The following TENT4A variants were observed in gnomAD, a reference collection of about 807,000 sequenced individuals.
TENT4A encodes the protein terminal nucleotidyltransferase 4A, also known as DNA polymerase kappa.
In TENT4A, 7 loss-of-function variants were observed where a neutral mutation model predicts 72.8. The ratio of observed to expected loss-of-function variants is 0.10; its 90% CI spans 0.05 to 0.18. The LOEUF is 0.18. TENT4A is among the 10% of genes least tolerant of loss of function. The probability of loss-of-function intolerance (pLI) is 1.00; values close to 1 mark genes in which losing one functional copy is unlikely to be tolerated. For missense variants in TENT4A, 831 were observed against 1,017.7 expected (o/e 0.82, Z 2.50); for synonymous variants, 456 against 434.3 (o/e 1.05, Z -0.62).
intron 9 of TENT4A, among the ~76,000 whole-genome samples, chr5:6,750,060 T>C (rs1249425981): frequency 6.6e-6 from 1 of 152,270 alleles, no homozygotes; most frequent in Non-Finnish European, 1.5e-5. Flanking sequence ...GGATGCTAAA[T>C]TTTCGTAAAA....
In TENT4A at chr5:6,754,677, G is replaced by T. The variant is rs1579506867; in HGVS notation, c.2185-74G>T. Reference sequence around the variant, plus strand: ...ATGTAACATCACGTCGGTGCTTAGTGTGGTCACTGCCCGAGGACGTGGGCA... The same window carrying T: ...ATGTAACATCACGTCGGTGCTTAGTTTGGTCACTGCCCGAGGACGTGGGCA... On this transcript the variant is annotated intron_variant, in intron 12 of 12. Transcript: ENST00000230859. The T allele has an allele frequency of 1.1e-5, 13 of 1,230,416 alleles. No individual in the cohort carries two copies. In the South Asian group the frequency reaches 1.7e-4, roughly 16 times the overall value. 76.2% of individuals were successfully genotyped at this position (1,230,416 alleles called of 1,614,324 possible).
chr5:6,714,459 C>T lies in TENT4A; in HGVS notation c.476C>T (p.Ala159Val). ...FFNFADGAPS[A>V]PGTANGHPGP... ...AACTTCGCCGACGGCGCGCCCAGCG[C>T]CCCTGGCACAGCCAACGGGCACCCC... The change falls in exon 1 of 13, where the codon GCC becomes GTC. Residue 159 changes from alanine to valine, a missense_variant. Transcript: ENST00000230859. 1 of 1,179,150 alleles carries T rather than the reference C, an allele frequency of 8.5e-7. No homozygotes were observed. Among genetic ancestry groups the T allele is most frequent in the Non-Finnish European group, 1.0e-6 (1 of 954,222 alleles). 73.0% of individuals were successfully genotyped at this position (1,179,150 alleles called of 1,614,324 possible).
intron 11 of TENT4A, 61 bp downstream of exon 11, chr5:6,751,258 A>ATATGCACTAGAGGAGATTGATGGTCCT: frequency 6.5e-7 from 1 of 1,533,656 alleles, no homozygotes. Context: ...CCGAGCTGTG[A>ATATGCACTAGAGGAGATTGATGGTCCT]TATGCACTAG....
intron 1 of TENT4A, among the ~76,000 whole-genome samples, chr5:6,719,521 C>T (rs778167180): frequency 1.4e-4 from 21 of 152,174 alleles, no homozygotes; most frequent in Admixed American, 2.6e-4. Flanking sequence ...GAGGCCCTTT[C>T]TAGGAGGTGT....
chr5:6,745,041 G>A (rs1742012562), intron 6 of TENT4A, among the ~76,000 whole-genome samples: 1 of 152,186 alleles, frequency 6.6e-6, no homozygotes, highest in South Asian at 2.1e-4. Flanking sequence ...CCACATCCCT[G>A]TGCCTTGTCC....
At position 6,750,418 on chromosome 5, in the gene TENT4A, G is replaced by C. The variant is rs763229052; in HGVS notation, c.1775G>C (p.Arg592Pro). The change falls in exon 10 of 13, where the codon CGC becomes CCC. Residue 592 changes from arginine to proline, a missense_variant. Coordinates refer to ENST00000230859, the MANE Select transcript of TENT4A (RefSeq NM_006999.6). ...NREPESPYGQ[R>P]LTLSLSSPQL... ...GAGCCCGAGTCTCCCTATGGCCAGC[G>C]CTTGACTTTGTCGCTGTCCAGCCCC... 1.2e-6 allele frequency: 2 copies of C among 1,613,402 alleles called. No homozygotes were observed. Among genetic ancestry groups the C allele is most frequent in the African/African-American group, 2.7e-5 (2 of 74,958 alleles).
intron 1 of TENT4A, among the ~76,000 whole-genome samples, chr5:6,730,208 C>T (rs1283478982): frequency 6.6e-6 from 1 of 152,036 alleles, no homozygotes; most frequent in Non-Finnish European, 1.5e-5. Context: ...CACAAAGGCA[C>T]CTCTGCTCAC....
chr5:6,753,157 TG>T, intron 12 of TENT4A, 120 bp downstream of exon 12: 1 of 1,035,540 alleles, frequency 9.7e-7, no homozygotes, highest in Non-Finnish European at 1.4e-6. Flanking sequence ...GAATTTGCTT[TG>T]TTGTCATTCA....
chr5:6,752,727 A>C, intron 11 of TENT4A, 146 bp from the exon 12 acceptor site: 1 of 611,050 alleles, frequency 1.6e-6, no homozygotes, highest in Non-Finnish European at 2.9e-6. Flanking sequence ...CAATATTGTT[A>C]GGTAATAGTA....
chr5:6,754,574 A>G (rs878916186), intron 12 of TENT4A, among the ~76,000 whole-genome samples, 177 bp from the exon 13 acceptor site: 1 of 152,158 alleles, frequency 6.6e-6, no homozygotes, highest in Non-Finnish European at 1.5e-5. Flanking sequence ...TTAGTCATTC[A>G]CGGAATGGGA....
intron 1 of TENT4A, among the ~76,000 whole-genome samples, chr5:6,730,235 G>C (rs1238974162): frequency 1.3e-5 from 2 of 152,134 alleles, no homozygotes; most frequent in East Asian, 3.9e-4. Context: ...GTGAGGTTCT[G>C]ACTGGCCCTG....
chr5:6,753,404 G>A (rs150767936), intron 12 of TENT4A, among the ~76,000 whole-genome samples: 3 of 152,336 alleles, frequency 2.0e-5, no homozygotes, highest in African/African-American at 7.2e-5. Flanking sequence ...AGCAGATCTT[G>A]CCATGATGTC....
chr5:6,753,066 A>G (rs1443167546), intron 12 of TENT4A, 29 bp downstream of exon 12: 4 of 1,565,754 alleles, frequency 2.6e-6, no homozygotes, highest in Non-Finnish European at 1.7e-6. Context: ...GCATTCACCT[A>G]CCTGTTCAAG....
chr5:6,717,871 C>A (rs1308641420), intron 1 of TENT4A, among the ~76,000 whole-genome samples: 1 of 152,232 alleles, frequency 6.6e-6, no homozygotes, highest in Non-Finnish European at 1.5e-5. Flanking sequence ...TTGGAAACCT[C>A]TTCAGGTTAA....
In TENT4A at chr5:6,749,477, T is replaced by C. The variant is rs1742278025; in HGVS notation, c.1587-80T>C. ...CTAGCGAGATGATCTGTTAGGGGTA[T>C]AAGGTAGCTGTTCGAGAGGGGTTCT... On this transcript the variant is annotated intron_variant, in intron 8 of 12. Transcript: ENST00000230859. The C allele has an allele frequency of 4.9e-6, 4 of 824,176 alleles. No individual in the cohort carries two copies. The South Asian group carries it at 5.8e-5, about 12-fold the overall frequency. 51.1% of individuals were successfully genotyped at this position (824,176 alleles called of 1,614,324 possible).
chr5:6,727,755 C>G (rs1741007871), intron 1 of TENT4A, among the ~76,000 whole-genome samples: 1 of 152,204 alleles, frequency 6.6e-6, no homozygotes. Flanking sequence ...TTTATTTTGG[C>G]TACTTATCTT....
intron 9 of TENT4A, 37 bp downstream of exon 9, chr5:6,749,694 T>C: frequency 2.3e-6 from 3 of 1,327,906 alleles, no homozygotes; most frequent in Non-Finnish European, 3.3e-6. Flanking sequence ...TCCTAACCAC[T>C]GGCTGGCATG....
chr5:6,733,934 T>G (rs1436456619), intron 1 of TENT4A, among the ~76,000 whole-genome samples: 1 of 152,210 alleles, frequency 6.6e-6, no homozygotes, highest in Non-Finnish European at 1.5e-5. Flanking sequence ...AAGGGATAGT[T>G]GGCGATTTAA....
intron 1 of TENT4A, among the ~76,000 whole-genome samples, chr5:6,729,900 G>C (rs972967595): frequency 6.6e-6 from 1 of 152,126 alleles, no homozygotes; most frequent in Non-Finnish European, 1.5e-5. Flanking sequence ...TGGAGTATCT[G>C]CCCACTCAGT....
Sources: allele counts gnomAD v4.1 joint callset (sites outside exome capture counted in the v4.1 genomes callset), GRCh38; gene constraint gnomAD v4.1.1; transcripts MANE v1.5; gene names NCBI Gene and HGNC (gene_info 2026-07-23, HGNC 2026-07-21).